Variants in CORO1C observed in about 807,000 individuals in gnomAD.
CORO1C encodes the protein coronin 1C.
Under a neutral mutation model 51.2 loss-of-function variants are expected in CORO1C, and 14 were observed. The observed-to-expected ratio is 0.27, with a 90% CI of 0.18 to 0.43. The LOEUF (loss-of-function observed/expected upper bound fraction) is 0.43, where lower values mean the gene tolerates loss of function less well. Ranked by LOEUF, CORO1C falls within the 20% of genes least tolerant of loss-of-function variation. CORO1C has a pLI of 1.00. For missense variants in CORO1C, 417 were observed against 607.8 expected, an observed-to-expected ratio of 0.69 and a Z score of 3.30; for synonymous variants, 181 against 210.5, an observed-to-expected ratio of 0.86 and a Z score of 1.21.
intron 1 of CORO1C, chr12:108,701,990 G>GT (rs1422836126): frequency 1.3e-5 from 2 of 153,056 alleles, no homozygotes; most frequent in African/African-American, 4.8e-5. Flanking sequence ...GTGCTAAGTG[G>GT]TACACAGTGA....
chr12:108,655,025 C>T (rs2032875045), intron 6 of CORO1C, among the ~76,000 whole-genome samples: 1 of 152,014 alleles, frequency 6.6e-6, no homozygotes, highest in African/African-American at 2.4e-5. Context: ...TTTTAAAGTA[C>T]TTCTTTAATT....
intron 3 of CORO1C, among the ~76,000 whole-genome samples, chr12:108,665,128 T>C (rs563571777): frequency 6.6e-6 from 1 of 152,250 alleles, no homozygotes; most frequent in Non-Finnish European, 1.5e-5. Flanking sequence ...ACTTTGTTTA[T>C]AATCAGCATT....
chr12:108,674,571 A>G (rs1391126596), intron 3 of CORO1C, among the ~76,000 whole-genome samples: 1 of 151,734 alleles, frequency 6.6e-6, no homozygotes, highest in Non-Finnish European at 1.5e-5. Flanking sequence ...AAAAAAAAAA[A>G]ACCTTCTGGA....
chr12:108,707,814 A>G (rs2035069740), intron 1 of CORO1C, among the ~76,000 whole-genome samples: 1 of 152,362 alleles, frequency 6.6e-6, no homozygotes, highest in South Asian at 2.1e-4. Flanking sequence ...TTAAAAATGA[A>G]TCAAAGGGAC....
chr12:108,719,583 C>A (rs1002919108), intron 1 of CORO1C, among the ~76,000 whole-genome samples: 5 of 152,174 alleles, frequency 3.3e-5, no homozygotes, highest in Admixed American at 2.6e-4. Flanking sequence ...CCAGGAGTCA[C>A]TCAAATGCCC....
chr12:108,708,738 G>A (rs1272122927), intron 1 of CORO1C, among the ~76,000 whole-genome samples: 14 of 152,080 alleles, frequency 9.2e-5, no homozygotes, highest in South Asian at 4.2e-4. Flanking sequence ...CTGGGATTAC[G>A]GGCGTGAGCC....
intron 2 of CORO1C, among the ~76,000 whole-genome samples, chr12:108,697,630 G>T (rs1351279876): frequency 2.0e-5 from 3 of 152,174 alleles, no homozygotes; most frequent in Non-Finnish European, 4.4e-5. Context: ...ACAAAGCCCT[G>T]TACTGAAAAG....
At chr12:108,708,978 T>C (rs576177741) in intron 1 of CORO1C, among the ~76,000 whole-genome samples, 9 of 152,168 alleles carry the variant, frequency 5.9e-5, no homozygotes, top group African/African-American at 1.4e-4. Context: ...CTCTAACTAA[T>C]TGCTGGCTTT....
intron 2 of CORO1C, among the ~76,000 whole-genome samples, chr12:108,693,763 G>A (rs530101756): frequency 6.0e-4 from 92 of 152,238 alleles, no homozygotes; most frequent in African/African-American, 2.1e-3. Flanking sequence ...CCCTCCTAGG[G>A]ACAGAGCCCC....
intron 3 of CORO1C, among the ~76,000 whole-genome samples, chr12:108,672,389 A>G (rs1287128477): frequency 1.3e-5 from 2 of 152,226 alleles, no homozygotes; most frequent in Admixed American, 6.5e-5. Context: ...TTTTTCAACT[A>G]AAAGTCGTTT....
chr12:108,702,904 A>G, intron 1 of CORO1C: 1 of 1,535,764 alleles, frequency 6.5e-7, no homozygotes, highest in South Asian at 1.2e-5. Flanking sequence ...TCCTTAGCCC[A>G]GCTGTTATTG....
chr12:108,691,582 A>C (rs1592911393), intron 2 of CORO1C, among the ~76,000 whole-genome samples: 1 of 152,014 alleles, frequency 6.6e-6, no homozygotes, highest in Middle Eastern at 3.4e-3. Flanking sequence ...TTTGCACTTG[A>C]CTCAGTGGCT....
intron 8 of CORO1C, 59 bp from the exon 9 acceptor site, chr12:108,649,079 G>T: frequency 6.4e-7 from 1 of 1,572,838 alleles, no homozygotes; most frequent in South Asian, 1.1e-5. Context: ...TGACTAACAG[G>T]ATGAATAATT....
intron 4 of CORO1C, 125 bp downstream of exon 4, chr12:108,661,904 A>C (rs2033277971): frequency 9.5e-7 from 1 of 1,055,164 alleles, no homozygotes; most frequent in Admixed American, 2.1e-5. Flanking sequence ...AATACTCTTC[A>C]CCATGGTTTC....
chr12:108,726,654 T>TAAAAAAAAA (rs751404095), intron 1 of CORO1C, among the ~76,000 whole-genome samples: 2 of 119,956 alleles, frequency 1.7e-5, no homozygotes, highest in Non-Finnish European at 3.6e-5. Context: ...TACAAAACAT[T>TAAAAAAAAA]AAAAAAAAAA....
chr12:108,692,203 T>C (rs531422740), intron 2 of CORO1C, among the ~76,000 whole-genome samples: 1 of 152,122 alleles, frequency 6.6e-6, no homozygotes, highest in East Asian at 1.9e-4. Flanking sequence ...TCACGGCCCA[T>C]ACACTTGGCA....
At chr12:108,666,887 A>G (rs1302930131) in intron 3 of CORO1C, among the ~76,000 whole-genome samples, 3 of 152,146 alleles carry the variant, frequency 2.0e-5, no homozygotes, top group Non-Finnish European at 4.4e-5. Context: ...GGAGAAGAGC[A>G]TGGGGCTTTC....
At chr12:108,702,855 G>A (rs781678078) in intron 1 of CORO1C, 404 of 1,535,652 alleles carry the variant, frequency 2.6e-4, no homozygotes, top group Non-Finnish European at 3.3e-4. Flanking sequence ...TAGCCGGGCT[G>A]AAGTAAGAGA....
intron 2 of CORO1C, among the ~76,000 whole-genome samples, chr12:108,691,254 G>C (rs984059654): frequency 6.6e-6 from 1 of 152,072 alleles, no homozygotes; most frequent in Non-Finnish European, 1.5e-5. Flanking sequence ...TGCCCTCTCA[G>C]CTCATTCTTC....
Sources: allele counts gnomAD v4.1 joint callset (sites outside exome capture counted in the v4.1 genomes callset), GRCh38; gene constraint gnomAD v4.1.1; transcripts MANE v1.5; gene names NCBI Gene and HGNC (gene_info 2026-07-23, HGNC 2026-07-21).